Variants in MAP2 observed in about 807,000 individuals in gnomAD.
MAP2 encodes the protein microtubule-associated protein 2.
A neutral mutation model predicts 137.6 loss-of-function variants in MAP2; 14 were observed. The ratio of observed to expected loss-of-function variants is 0.10; its 90% CI spans 0.07 to 0.16. MAP2 has a LOEUF of 0.16. Ranked by LOEUF, MAP2 falls within the 10% of genes least tolerant of loss-of-function variation. The probability of loss-of-function intolerance (pLI) is 1.00; values close to 1 mark genes in which losing one functional copy is unlikely to be tolerated. For synonymous variants in MAP2, 786 were observed against 782.3 expected, an observed-to-expected ratio of 1.00 and a Z score of -0.08; for missense variants, 2,088 against 2,191.5, an observed-to-expected ratio of 0.95 and a Z score of 0.94.
At chr2:209,644,190 T>C (rs983848468) in intron 4 of MAP2, among the ~76,000 whole-genome samples, 1 of 152,168 alleles carries the variant, frequency 6.6e-6, no homozygotes, top group African/African-American at 2.4e-5. Context: ...TCACTTCAGT[T>C]TTATGATTTT....
chr2:209,647,431 A>T (rs2094488527), intron 4 of MAP2, among the ~76,000 whole-genome samples: 1 of 152,236 alleles, frequency 6.6e-6, no homozygotes. Flanking sequence ...AAATTGAAGA[A>T]TGTTACATGT....
rs1251201111 is a variant in MAP2, at chr2:209,593,654, T to A, written c.-107+13554T>A. Among the ~76,000 whole-genome samples the A allele has an allele frequency of 5.4e-3, 401 of 73,792 alleles. 17 individuals are homozygous for A. The highest frequency in any genetic ancestry group is 7.2e-3 in the Non-Finnish European group (281 of 39,166). The allele number at this position is 73,792 out of a possible 152,430, so 48.4% of individuals were successfully genotyped here. A position where few individuals can be genotyped will look rare whatever the true frequency, so the allele number is the denominator to read the frequency against. On this transcript the variant is annotated intron_variant, in intron 3 of 15. Transcript: ENST00000682079. ...AAAAAAATATATATATATATATATA[T>A]ATATATATATATATATATATGTATT...
chr2:209,430,350 A>G (rs1030905324), intron 1 of MAP2, among the ~76,000 whole-genome samples: 1 of 151,920 alleles, frequency 6.6e-6, no homozygotes, highest in African/African-American at 2.4e-5. Flanking sequence ...CACAAGGGCT[A>G]ACATGATGGT....
At position 209,730,542 on chromosome 2, in the gene MAP2, T is replaced by C. The variant is rs2075648919; in HGVS notation, c.*145T>C. 3.0e-6 allele frequency: 2 copies of C among 656,434 alleles called. No individual in the cohort carries two copies. The highest frequency in any genetic ancestry group is 5.8e-5 in the Admixed American group (2 of 34,608). The allele number at this position is 656,434 out of a possible 1,614,324, so 40.7% of individuals were successfully genotyped here. ...AACTGTAGTAATTGTTACAATTTTC[T>C]ATTTAAAAAATGAATAGTACATGCA... On this transcript the variant is annotated 3_prime_UTR_variant, in exon 16 of 16. Coordinates refer to ENST00000682079, the MANE Select transcript of MAP2 (RefSeq NM_001375505.1).
At position 209,682,986 on chromosome 2, in the gene MAP2, G is replaced by C. The variant is rs1442262842; in HGVS notation, c.454+2159G>C. Among the ~76,000 whole-genome samples the C allele has an allele frequency of 2.0e-5, 3 of 152,140 alleles. No homozygotes were observed. The East Asian group carries it at 5.8e-4, about 29-fold the overall frequency. On this transcript the variant is annotated intron_variant, in intron 7 of 15. Coordinates refer to ENST00000682079, the MANE Select transcript of MAP2 (RefSeq NM_001375505.1). ...CCCAGAGAGGGATATGATGTTGACA[G>C]AGCAGGTTTACTCCAAAAGTCGGCT... is the stretch of plus-strand genomic sequence containing the variant.
chr2:209,714,608 T>C (rs904163915), intron 13 of MAP2, among the ~76,000 whole-genome samples: 1 of 152,234 alleles, frequency 6.6e-6, no homozygotes, highest in Non-Finnish European at 1.5e-5. Context: ...AACTAGAACC[T>C]GTAAAACATA....
chr2:209,575,250 G>A (rs966070065), intron 2 of MAP2, among the ~76,000 whole-genome samples: 1 of 151,916 alleles, frequency 6.6e-6, no homozygotes, highest in Non-Finnish European at 1.5e-5. Context: ...GGCCGGGTGC[G>A]CTGGCTCATG....
intron 4 of MAP2, among the ~76,000 whole-genome samples, chr2:209,627,540 C>T (rs1161366732): frequency 6.6e-6 from 1 of 152,118 alleles, no homozygotes; most frequent in Non-Finnish European, 1.5e-5. Flanking sequence ...GTAACTTACT[C>T]AAGATCATAT....
At chr2:209,554,931 A>G (rs1011186314) in intron 2 of MAP2, among the ~76,000 whole-genome samples, 1 of 147,632 alleles carries the variant, frequency 6.8e-6, no homozygotes, top group African/African-American at 2.5e-5. Flanking sequence ...TTATGTATCT[A>G]TCATATATAA....
intron 2 of MAP2, among the ~76,000 whole-genome samples, chr2:209,559,309 A>T (rs1053614157): frequency 3.8e-4 from 58 of 151,690 alleles, no homozygotes; most frequent in African/African-American, 1.3e-3. Flanking sequence ...TAATACCATC[A>T]TTATTATATT....
chr2:209,683,134 T>C (rs2055471045), intron 7 of MAP2, among the ~76,000 whole-genome samples: 1 of 152,160 alleles, frequency 6.6e-6, no homozygotes, highest in African/African-American at 2.4e-5. Context: ...ATATGATGGA[T>C]ATAATGAAAA....
chr2:209,605,922 G>A (rs2153473198), intron 3 of MAP2, among the ~76,000 whole-genome samples: 1 of 152,184 alleles, frequency 6.6e-6, no homozygotes, highest in South Asian at 2.1e-4. Context: ...AGCATCTTCT[G>A]ACAAGTATCT....
intron 13 of MAP2, among the ~76,000 whole-genome samples, chr2:209,720,636 C>A (rs1188281011): frequency 1.8e-4 from 6 of 33,332 alleles, no homozygotes; most frequent in African/African-American, 3.3e-4. Flanking sequence ...GATACTTGGT[C>A]TCAAAAAAAA....
intron 2 of MAP2, among the ~76,000 whole-genome samples, chr2:209,560,590 C>T (rs1578250572): frequency 1.3e-5 from 2 of 151,946 alleles, no homozygotes; most frequent in African/African-American, 4.8e-5. Context: ...AGCAATCCCC[C>T]ACCCCTCAGG....
chr2:209,654,546 GTTAA>G (rs79837855), intron 5 of MAP2, among the ~76,000 whole-genome samples: 16,395 of 151,900 alleles, frequency 0.11, 1,061 homozygotes, highest in East Asian at 0.22. Flanking sequence ...AATAATAACT[GTTAA>G]TTAATTTTAT....
At chr2:209,459,820 T>C (rs911633815) in intron 1 of MAP2, among the ~76,000 whole-genome samples, 1 of 152,186 alleles carries the variant, frequency 6.6e-6, no homozygotes, top group East Asian at 1.9e-4. Flanking sequence ...CTGTGCTGGA[T>C]GTCCTGTAGG....
intron 1 of MAP2, among the ~76,000 whole-genome samples, chr2:209,439,287 A>G (rs972514480): frequency 4.0e-5 from 6 of 151,604 alleles, no homozygotes; most frequent in Admixed American, 1.3e-4. Flanking sequence ...TTCCATGACT[A>G]CATGTGATTG....
intron 4 of MAP2, among the ~76,000 whole-genome samples, chr2:209,643,049 G>A (rs1207107422): frequency 6.6e-6 from 1 of 152,174 alleles, no homozygotes; most frequent in East Asian, 1.9e-4. Flanking sequence ...TTCATCTGTG[G>A]ATATGTAGCA....
intron 2 of MAP2, among the ~76,000 whole-genome samples, chr2:209,564,117 A>T (rs187116554): frequency 1.3e-5 from 2 of 150,032 alleles, no homozygotes; most frequent in Admixed American, 1.3e-4. Flanking sequence ...TACCGATCGC[A>T]GCTAATGAAA....
Sources: gnomAD v4.1 joint callset for allele counts (sites outside exome capture counted in the v4.1 genomes callset) on GRCh38, gnomAD v4.1.1 for gene constraint, MANE v1.5 for transcripts, NCBI Gene and HGNC (gene_info 2026-07-23, HGNC 2026-07-21) for gene names.